FMN2: variants seen among roughly 807,000 people sequenced by gnomAD.
The protein encoded by FMN2 is formin-2.
In FMN2, 51 loss-of-function variants were observed where a neutral mutation model predicts 142.3. The ratio of observed to expected loss-of-function variants is 0.36; its 90% confidence interval spans 0.29 to 0.45. The LOEUF (loss-of-function observed/expected upper bound fraction) is 0.45, where lower values mean the gene tolerates loss of function less well. FMN2 is among the 20% of genes least tolerant of loss of function. FMN2 has a pLI of 1.00. For synonymous variants in FMN2, 882 were observed against 869.8 expected (o/e 1.01, Z -0.25); for missense variants, 1,936 against 2,122.8 (o/e 0.91, Z 1.73).
chr1:240,445,951 G>T (rs1031621852), intron 16 of FMN2, among the ~76,000 whole-genome samples: 1 of 152,066 alleles, frequency 6.6e-6, no homozygotes, highest in Non-Finnish European at 1.5e-5. Flanking sequence ...CTGTTCACAG[G>T]CTCCTGGATG....
At chr1:240,261,204 CT>C (rs750267849) in intron 7 of FMN2, among the ~76,000 whole-genome samples, 3 of 152,084 alleles carry the variant, frequency 2.0e-5, no homozygotes, top group Non-Finnish European at 2.9e-5. Context: ...CAGATCTGTT[CT>C]TTTTGCTTAG....
At chr1:240,146,081 A>G (rs982533722) in intron 2 of FMN2, among the ~76,000 whole-genome samples, 4 of 152,052 alleles carry the variant, frequency 2.6e-5, no homozygotes, top group Admixed American at 2.6e-4. Context: ...AAAGTGATTT[A>G]AAAAAATAGT....
chr1:240,290,054 C>T (rs554508628), intron 7 of FMN2, among the ~76,000 whole-genome samples: 6 of 152,282 alleles, frequency 3.9e-5, no homozygotes, highest in East Asian at 3.9e-4. Flanking sequence ...AGGATAGACA[C>T]CTGCCTGCGC....
At chr1:240,146,154 T>A (rs1246570035) in intron 2 of FMN2, among the ~76,000 whole-genome samples, 3 of 144,026 alleles carry the variant, frequency 2.1e-5, no homozygotes, top group Non-Finnish European at 4.5e-5. Flanking sequence ...GAGGCCAAGG[T>A]GGGCAGATCA....
intron 13 of FMN2, among the ~76,000 whole-genome samples, chr1:240,344,962 T>C (rs1671860236): frequency 6.6e-6 from 1 of 152,200 alleles, no homozygotes; most frequent in East Asian, 1.9e-4. Flanking sequence ...ATAAACAAAT[T>C]ATCACATAAA....
At chr1:240,183,937 T>C (rs1240574577) in intron 3 of FMN2, among the ~76,000 whole-genome samples, 1 of 152,184 alleles carries the variant, frequency 6.6e-6, no homozygotes, top group Non-Finnish European at 1.5e-5. Context: ...AGCTGCATTT[T>C]AACTTAAAAT....
intron 6 of FMN2, among the ~76,000 whole-genome samples, chr1:240,224,823 C>A (rs568779687): frequency 6.6e-6 from 1 of 152,126 alleles, no homozygotes; most frequent in Admixed American, 6.5e-5. Context: ...AATTAGAGGT[C>A]TATATAGTGG....
intron 8 of FMN2, among the ~76,000 whole-genome samples, chr1:240,320,842 A>G (rs1257064337): frequency 1.3e-5 from 2 of 152,184 alleles, no homozygotes; most frequent in African/African-American, 4.8e-5. Context: ...TCCTTGTGTA[A>G]ACAGCTGTGC....
chr1:240,286,067 T>C (rs1669580479), intron 7 of FMN2, among the ~76,000 whole-genome samples: 1 of 151,968 alleles, frequency 6.6e-6, no homozygotes, highest in African/African-American at 2.4e-5. Context: ...TCGGTGTGGG[T>C]TTTTTGTCGG....
chr1:240,216,093 A>G (rs1458894715), intron 6 of FMN2, among the ~76,000 whole-genome samples: 1 of 152,242 alleles, frequency 6.6e-6, no homozygotes, highest in African/African-American at 2.4e-5. Context: ...TTTGAGTGGT[A>G]TGAGATTTAA....
intron 7 of FMN2, among the ~76,000 whole-genome samples, chr1:240,276,488 G>T (rs1318267440): frequency 4.6e-5 from 7 of 152,118 alleles, no homozygotes; most frequent in Admixed American, 1.3e-4. Flanking sequence ...TACCTTGGGG[G>T]TTAAGTAGAG....
At chr1:240,111,559 T>A (rs1266364600) in intron 1 of FMN2, among the ~76,000 whole-genome samples, 1 of 151,832 alleles carries the variant, frequency 6.6e-6, no homozygotes. Flanking sequence ...CTGGTGGGAG[T>A]GTAACATGAG....
chr1:240,331,531 T>A (rs1671378481), intron 11 of FMN2, among the ~76,000 whole-genome samples: 1 of 152,218 alleles, frequency 6.6e-6, no homozygotes, highest in Non-Finnish European at 1.5e-5. Context: ...ATATTAAGTT[T>A]AATAATTGGC....
chr1:240,347,665 G>A (rs146647700), intron 13 of FMN2, among the ~76,000 whole-genome samples: 126 of 152,224 alleles, frequency 8.3e-4, no homozygotes, highest in African/African-American at 2.7e-3. Context: ...GTACCCAACA[G>A]GTAGTTTTTC....
intron 14 of FMN2, among the ~76,000 whole-genome samples, chr1:240,385,342 A>G (rs1302046207): frequency 6.6e-6 from 1 of 152,188 alleles, no homozygotes; most frequent in East Asian, 1.9e-4. Context: ...ATTTAAGTTC[A>G]GCCTGGTATT....
At chr1:240,431,146 CT>C (rs1473265683) in intron 15 of FMN2, among the ~76,000 whole-genome samples, 4 of 151,718 alleles carry the variant, frequency 2.6e-5, no homozygotes, top group Non-Finnish European at 4.4e-5. Flanking sequence ...AGTTTTCACA[CT>C]TTTATTTGAT....
intron 2 of FMN2, among the ~76,000 whole-genome samples, chr1:240,160,533 A>T (rs1282311241): frequency 6.6e-6 from 1 of 150,556 alleles, no homozygotes; most frequent in Non-Finnish European, 1.5e-5. Context: ...CTCCCTAGAG[A>T]TTATCAGAAA....
intron 2 of FMN2, among the ~76,000 whole-genome samples, chr1:240,160,195 C>T (rs1664223440): frequency 6.6e-6 from 1 of 150,566 alleles, no homozygotes; most frequent in Admixed American, 6.6e-5. Context: ...TGAACACTGC[C>T]CAGCTTATTT....
rs56686860 is a variant in FMN2 at position 240,271,098 on chromosome 1, G to GTTTTTTTTTTTTTTT, written c.4153+13071_4153+13085dup. On this transcript the variant is annotated intron_variant, in intron 7 of 17. Coordinates refer to ENST00000319653, the MANE Select transcript of FMN2 (RefSeq NM_020066.5). The stretch of plus-strand genomic sequence containing the variant: ...ACCCCCCTAGGAACTTTCCACGATG[G>GTTTTTTTTTTTTTTT]TTTTTTTTTTTTTTTTTTTGTGACT... 1.2e-3 allele frequency among the ~76,000 whole-genome samples: 87 copies of GTTTTTTTTTTTTTTT among 72,216 alleles called. 8 individuals are homozygous for GTTTTTTTTTTTTTTT. The highest frequency in any genetic ancestry group is 4.7e-3 in the African/African-American group (71 of 15,090). The allele number at this position is 72,216 out of a possible 152,430, so 47.4% of individuals were successfully genotyped here.
Sources: allele counts gnomAD v4.1 joint callset (sites outside exome capture counted in the v4.1 genomes callset), GRCh38; gene constraint gnomAD v4.1.1; transcripts MANE v1.5; gene names NCBI Gene and HGNC (gene_info 2026-07-23, HGNC 2026-07-21).